The following SRPRB variants were observed in gnomAD, a reference collection of about 807,000 sequenced individuals.
SRPRB encodes signal recognition particle receptor subunit beta.
A neutral mutation model predicts 31.9 loss-of-function variants in SRPRB; 20 were observed. The observed-to-expected ratio is 0.63, with a 90% confidence interval of 0.44 to 0.91. The LOEUF is 0.91. SRPRB is among the 40% of genes least tolerant of loss of function. The probability of loss-of-function intolerance (pLI) is 0.00; values close to 1 mark genes in which losing one functional copy is unlikely to be tolerated. For missense variants in SRPRB, 321 were observed against 324.9 expected (o/e 0.99, Z 0.09); for synonymous variants, 146 against 132.8 (o/e 1.10, Z -0.68).
chr3:133,806,296 CA>C (rs1935156908), intron 1 of SRPRB, among the ~76,000 whole-genome samples: 1 of 152,350 alleles, frequency 6.6e-6, no homozygotes, highest in Admixed American at 6.5e-5. Context: ...CCGCTGTTCT[CA>C]CTGCAAAGAC....
downstream of SRPRB, among the ~76,000 whole-genome samples, chr3:133,822,116 G>A (rs1935483466): frequency 6.6e-6 from 1 of 152,226 alleles, no homozygotes. Context: ...CATTTCATGA[G>A]ATGGGCAGGT....
At chr3:133,817,811 G>T (rs1464937) in intron 6 of SRPRB, among the ~76,000 whole-genome samples, 3 of 152,050 alleles carry the variant, frequency 2.0e-5, no homozygotes, top group Non-Finnish European at 2.9e-5. Flanking sequence ...ACTGCAGTTG[G>T]GAGCAGCTGT....
downstream of SRPRB, chr3:133,824,857 T>C (rs1226251825): frequency 6.6e-6 from 1 of 152,138 alleles, no homozygotes; most frequent in Non-Finnish European, 1.5e-5. Flanking sequence ...GTCACATTTG[T>C]TCACACACAG....
At chr3:133,825,834 A>T (rs1935553334), downstream of SRPRB, 2 of 152,170 alleles carry the variant, frequency 1.3e-5, no homozygotes, top group South Asian at 4.1e-4. Flanking sequence ...AGAGGGACTG[A>T]ATTGCTCAAT....
chr3:133,790,875 C>G (rs1576375031), intron 1 of SRPRB: 1 of 152,100 alleles, frequency 6.6e-6, no homozygotes, highest in African/African-American at 2.4e-5. Flanking sequence ...GTATCAGGAA[C>G]AAAATATTCA....
At chr3:133,826,126 C>T (rs958309489), downstream of SRPRB, 2 of 152,216 alleles carry the variant, frequency 1.3e-5, no homozygotes, top group Admixed American at 1.3e-4. Context: ...GCGGAAACCG[C>T]ACGTGCCGAA....
chr3:133,817,050 T>C (rs548861643), intron 6 of SRPRB, 118 bp downstream of exon 6: 1 of 694,062 alleles, frequency 1.4e-6, no homozygotes, highest in Non-Finnish European at 2.2e-6. Context: ...GACTGAAGAT[T>C]AGTGTGATAA....
chr3:133,793,207 G>A (rs1000656903), intron 1 of SRPRB: 4 of 152,168 alleles, frequency 2.6e-5, no homozygotes, highest in Non-Finnish European at 5.9e-5. Context: ...CAGATTGTTT[G>A]TAAAGTAAGT....
chr3:133,828,169 G>T, downstream of SRPRB: 1 of 591,342 alleles, frequency 1.7e-6, no homozygotes, highest in Non-Finnish European at 3.0e-6. Flanking sequence ...CTCCACACGA[G>T]GTTGACGACC....
At chr3:133,823,452 C>T (rs1272004496), downstream of SRPRB, among the ~76,000 whole-genome samples, 2 of 152,158 alleles carry the variant, frequency 1.3e-5, no homozygotes, top group Non-Finnish European at 2.9e-5. Flanking sequence ...GAGGTTTCAC[C>T]ATGTTGGCCA....
downstream of SRPRB, among the ~76,000 whole-genome samples, chr3:133,821,987 T>A (rs1935482099): frequency 6.6e-6 from 1 of 152,204 alleles, no homozygotes; most frequent in South Asian, 2.1e-4. Context: ...TGGGCCAGGA[T>A]GAGGTCATGG....
intron 1 of SRPRB, chr3:133,796,623 C>T (rs1206643527): frequency 6.6e-6 from 1 of 152,180 alleles, no homozygotes; most frequent in African/African-American, 2.4e-5. Context: ...TTCAATAAAC[C>T]TCTGCTTTTG....
chr3:133,811,646 G>C (rs1695242466), intron 4 of SRPRB, among the ~76,000 whole-genome samples: 1 of 147,536 alleles, frequency 6.8e-6, no homozygotes, highest in African/African-American at 2.5e-5. Context: ...GCAGTGGTGT[G>C]ATCTCGGCTC....
At chr3:133,811,009 T>C in intron 3 of SRPRB, 108 bp from the exon 4 acceptor site, 1 of 1,012,752 alleles carries the variant, frequency 9.9e-7, no homozygotes, top group Non-Finnish European at 1.5e-6. Flanking sequence ...TGTGAACATT[T>C]GTTTGGTTAA....
downstream of SRPRB, chr3:133,827,860 G>T (rs1268598961): frequency 1.6e-6 from 1 of 642,174 alleles, no homozygotes. Flanking sequence ...CACACACTGA[G>T]TTTCTTAGAC....
downstream of SRPRB, chr3:133,826,082 T>C (rs1210336358): frequency 6.6e-6 from 1 of 151,986 alleles, no homozygotes; most frequent in Non-Finnish European, 1.5e-5. Context: ...GAAAAAGAGG[T>C]CTGGCTGCCT....
upstream of SRPRB, chr3:133,805,746 T>C: frequency 1.4e-6 from 2 of 1,455,764 alleles, no homozygotes; most frequent in Non-Finnish European, 1.8e-6. Context: ...AGGGAGAGAC[T>C]ATGGCTTAGG....
chr3:133,825,534 C>T (rs908514424), downstream of SRPRB: 2 of 152,286 alleles, frequency 1.3e-5, no homozygotes, highest in Non-Finnish European at 2.9e-5. Flanking sequence ...ACCAAGCCAA[C>T]TAGCCTTGGA....
intron 1 of SRPRB, chr3:133,785,140 G>C (rs1278852266): frequency 8.4e-6 from 1 of 119,278 alleles, no homozygotes; most frequent in African/African-American, 3.1e-5. Flanking sequence ...TCAGCCCCCC[G>C]CCCGGCCAGC....
Sources: allele counts gnomAD v4.1 joint callset (sites outside exome capture counted in the v4.1 genomes callset), GRCh38; gene constraint gnomAD v4.1.1; transcripts MANE v1.5; gene names NCBI Gene and HGNC (gene_info 2026-07-23, HGNC 2026-07-21).